OR51B5: variants seen among roughly 807,000 people sequenced by gnomAD.
OR51B5 encodes olfactory receptor family 51 subfamily B member 5, also known as olfactory receptor 51B5.
For synonymous variants in OR51B5, 186 were observed against 144.8 expected (o/e 1.28, Z -2.04); for missense variants, 456 against 374.6 (o/e 1.22, Z -1.79).
At chr11:5,424,996 AAG>A (rs201842329) in intron 1 of OR51B5, among the ~76,000 whole-genome samples, 8,735 of 114,044 alleles carry the variant, frequency 0.077, 407 homozygotes, top group South Asian at 0.12. Context: ...AAAAAAAAAA[AAG>A]AAGTGAAAGG....
In OR51B5 at chr11:5,352,953, A is replaced by T. The variant is rs1391690748; in HGVS notation, n.85-6043T>A. ...AATTCTTGGGTCTATGATTTGGGTC[A>T]CCGGCATTTCAGTCAATGCCCATTG... On this transcript the variant is annotated intron_variant and non_coding_transcript_variant, in intron 1 of 4. Transcript: ENST00000415970. Among the ~76,000 whole-genome samples, 3 of 150,310 alleles carry T rather than the reference A, an allele frequency of 2.0e-5. No homozygotes were observed. The East Asian group carries it at 5.8e-4, about 29-fold the overall frequency.
At chr11:5,381,041 G>GGT (rs1849600996) in intron 1 of OR51B5, among the ~76,000 whole-genome samples, 2 of 152,016 alleles carry the variant, frequency 1.3e-5, no homozygotes, top group Admixed American at 1.3e-4. Flanking sequence ...GGGCTGGCTA[G>GGT]GTATCAATTC....
At chr11:5,353,766 G>A (rs759477188) in intron 1 of OR51B5, among the ~76,000 whole-genome samples, 1 of 152,202 alleles carries the variant, frequency 6.6e-6, no homozygotes, top group Non-Finnish European at 1.5e-5. Context: ...TCTGGCCTCT[G>A]TCATACTGAC....
intron 1 of OR51B5, among the ~76,000 whole-genome samples, chr11:5,439,070 CA>C (rs1850634434): frequency 6.6e-6 from 1 of 151,876 alleles, no homozygotes; most frequent in East Asian, 2.0e-4. Flanking sequence ...CTCAGTATGA[CA>C]ATCAACTGTT....
chr11:5,476,612 A>C (rs1851309955), intron 1 of OR51B5, among the ~76,000 whole-genome samples: 2 of 152,206 alleles, frequency 1.3e-5, no homozygotes, highest in South Asian at 4.1e-4. Context: ...CAAGCCGATA[A>C]GAGGAAGGAC....
intron 1 of OR51B5, chr11:5,449,382 A>G (rs1850812086): frequency 6.6e-6 from 1 of 152,238 alleles, no homozygotes; most frequent in African/African-American, 2.4e-5. Context: ...CTGAAACTCT[A>G]TAGGAATAAG....
chr11:5,411,001 C>G (rs531017408), intron 1 of OR51B5, among the ~76,000 whole-genome samples: 2 of 152,034 alleles, frequency 1.3e-5, no homozygotes, highest in African/African-American at 2.4e-5. Flanking sequence ...ATACAGTAAG[C>G]TAAGGTTAAT....
At chr11:5,421,240 C>T (rs957612901) in intron 1 of OR51B5, among the ~76,000 whole-genome samples, 17 of 152,222 alleles carry the variant, frequency 1.1e-4, no homozygotes, top group African/African-American at 3.6e-4. Context: ...ACCTGCCACA[C>T]CTTCCACCCT....
chr11:5,490,723 TA>T (rs1306248406), intron 1 of OR51B5, among the ~76,000 whole-genome samples: 2 of 152,190 alleles, frequency 1.3e-5, no homozygotes, highest in African/African-American at 2.4e-5. Context: ...CACTGTCCAG[TA>T]TTTTATTATG....
intron 1 of OR51B5, among the ~76,000 whole-genome samples, chr11:5,367,482 C>T (rs1849387650): frequency 6.6e-6 from 1 of 152,162 alleles, no homozygotes; most frequent in East Asian, 1.9e-4. Context: ...GCGTAACTTC[C>T]TGATGTTGCC....
chr11:5,451,046 T>C (rs559531821), intron 1 of OR51B5, among the ~76,000 whole-genome samples: 2 of 152,364 alleles, frequency 1.3e-5, no homozygotes, highest in African/African-American at 4.8e-5. Context: ...TCAGTGTCCA[T>C]ATCTGTTAAG....
At chr11:5,489,111 C>T (rs404280) in intron 1 of OR51B5, 976,269 of 1,613,412 alleles carry the variant, frequency 0.61, 297,877 homozygotes, top group Non-Finnish European at 0.63. Flanking sequence ...CATTAAGGTA[C>T]ACAACCATTC....
intron 1 of OR51B5, among the ~76,000 whole-genome samples, chr11:5,471,966 C>T (rs151229457): frequency 6.6e-6 from 1 of 152,258 alleles, no homozygotes; most frequent in East Asian, 1.9e-4. Flanking sequence ...GCTGAAAGTT[C>T]CGGATCCCAT....
rs532598871 is a variant in OR51B5 at position 5,413,626 on chromosome 11, T to C, written n.85-66716A>G. Reference sequence around the variant, plus strand: ...GCTGAAAGCCAAGGCTCGAGAACGATGTGAAGAATGCAGAAGTCTCAGGAG... The same window carrying C: ...GCTGAAAGCCAAGGCTCGAGAACGACGTGAAGAATGCAGAAGTCTCAGGAG... On this transcript the variant is annotated intron_variant and non_coding_transcript_variant, in intron 1 of 4. Transcript: ENST00000415970. Among the ~76,000 whole-genome samples, 130 of 152,214 alleles carry C rather than the reference T, an allele frequency of 8.5e-4. 2 individuals are homozygous for C. The East Asian group carries it at 0.019, about 22-fold the overall frequency.
At chr11:5,425,646 C>T (rs1388844365) in intron 1 of OR51B5, among the ~76,000 whole-genome samples, 1 of 151,848 alleles carries the variant, frequency 6.6e-6, no homozygotes, top group Non-Finnish European at 1.5e-5. Flanking sequence ...TTATTGGGTA[C>T]CTAAAACGCA....
intron 1 of OR51B5, among the ~76,000 whole-genome samples, chr11:5,398,716 G>A (rs56332040): frequency 0.071 from 10,061 of 141,328 alleles, 436 homozygotes; most frequent in Non-Finnish European, 0.1. Flanking sequence ...GATACTGAGT[G>A]AGTTTTCATG....
chr11:5,343,387 G>A, exon 1 of OR51B5: 2 of 1,613,906 alleles, frequency 1.2e-6, no homozygotes, highest in Non-Finnish European at 1.7e-6. Context: ...CTTCCTTAAT[G>A]AGAAGAAGGA....
chr11:5,386,888 TA>T (rs1021006177), intron 1 of OR51B5, among the ~76,000 whole-genome samples: 2 of 151,944 alleles, frequency 1.3e-5, no homozygotes, highest in African/African-American at 4.8e-5. Flanking sequence ...AATAATATTA[TA>T]AAAAATGCAT....
chr11:5,417,812 T>A (rs1850265938), intron 1 of OR51B5, among the ~76,000 whole-genome samples: 1 of 109,634 alleles, frequency 9.1e-6, no homozygotes, highest in Non-Finnish European at 2.0e-5. Context: ...AGGAACACTT[T>A]TACACTGTTG....
Sources: allele counts gnomAD v4.1 joint callset (sites outside exome capture counted in the v4.1 genomes callset), GRCh38; gene constraint gnomAD v4.1.1; transcripts MANE v1.5; gene names NCBI Gene and HGNC (gene_info 2026-07-23, HGNC 2026-07-21).